The following NSMCE2 variants were observed in gnomAD, a reference collection of about 807,000 sequenced individuals.
NSMCE2 encodes the protein NSE2 SUMO ligase component of SMC5/6 complex.
In NSMCE2, 24 loss-of-function variants were observed where a neutral mutation model predicts 23.8. The ratio of observed to expected loss-of-function variants is 1.01; its 90% CI spans 0.73 to 1.42. The LOEUF (loss-of-function observed/expected upper bound fraction) is 1.42. NSMCE2 is among the 40% of genes most tolerant of loss of function. The pLI is 0.00. For synonymous variants in NSMCE2, 92 were observed against 94.1 expected (o/e 0.98, Z 0.13); for missense variants, 284 against 296.5 (o/e 0.96, Z 0.31).
intron 5 of NSMCE2, among the ~76,000 whole-genome samples, chr8:125,304,889 A>T (rs1167706625): frequency 6.6e-6 from 1 of 151,640 alleles, no homozygotes; most frequent in Non-Finnish European, 1.5e-5. Context: ...CTCTGAAAAA[A>T]AAAAAAGAGA....
At chr8:125,353,189 T>C (rs1813110592) in intron 5 of NSMCE2, among the ~76,000 whole-genome samples, 1 of 152,236 alleles carries the variant, frequency 6.6e-6, no homozygotes. Context: ...CCAGCAGATT[T>C]TCTGGTGAAT....
At chr8:125,278,648 A>T (rs1379010617) in intron 5 of NSMCE2, among the ~76,000 whole-genome samples, 1 of 152,178 alleles carries the variant, frequency 6.6e-6, no homozygotes, top group Admixed American at 6.5e-5. Context: ...AAAGTCAAGT[A>T]GATTTTTGGT....
At chr8:125,362,806 A>G (rs1399307868) in intron 7 of NSMCE2, among the ~76,000 whole-genome samples, 1 of 152,150 alleles carries the variant, frequency 6.6e-6, no homozygotes, top group East Asian at 1.9e-4. Context: ...CTTGTTTGAC[A>G]TGGCTCACTC....
intron 4 of NSMCE2, among the ~76,000 whole-genome samples, chr8:125,164,403 G>A (rs1431671179): frequency 6.6e-6 from 1 of 152,294 alleles, no homozygotes; most frequent in African/African-American, 2.4e-5. Flanking sequence ...ACTTTGAGTT[G>A]TAGTTTTCAG....
intron 5 of NSMCE2, among the ~76,000 whole-genome samples, chr8:125,313,808 A>G (rs1829068252): frequency 6.6e-6 from 1 of 152,212 alleles, no homozygotes; most frequent in African/African-American, 2.4e-5. Flanking sequence ...TCTTCTCTCA[A>G]CAGACTTTGC....
chr8:125,316,634 CTTT>C (rs2131252387), intron 5 of NSMCE2, among the ~76,000 whole-genome samples: 1 of 55,292 alleles, frequency 1.8e-5, no homozygotes, highest in African/African-American at 3.6e-5. Flanking sequence ...TCTTTCCTTT[CTTT>C]ATTTCCTTCT....
At chr8:125,260,877 G>A (rs1292671424) in intron 5 of NSMCE2, among the ~76,000 whole-genome samples, 1 of 152,002 alleles carries the variant, frequency 6.6e-6, no homozygotes, top group Middle Eastern at 3.4e-3. Context: ...ACCTGCCTTG[G>A]CCTCTCAAAG....
At chr8:125,140,759 C>T (rs559672364) in intron 3 of NSMCE2, among the ~76,000 whole-genome samples, 8 of 152,306 alleles carry the variant, frequency 5.3e-5, no homozygotes, top group Admixed American at 1.3e-4. Flanking sequence ...TCTTAAGCCT[C>T]TTGGGTTTCC....
intron 3 of NSMCE2, among the ~76,000 whole-genome samples, chr8:125,131,846 G>A (rs1018709546): frequency 8.5e-5 from 13 of 152,128 alleles, no homozygotes; most frequent in African/African-American, 2.2e-4. Flanking sequence ...GAATGGTGAG[G>A]TGCCTTGCAC....
At chr8:125,249,704 C>A in intron 5 of NSMCE2, among the ~76,000 whole-genome samples, 1 of 152,150 alleles carries the variant, frequency 6.6e-6, no homozygotes, top group South Asian at 2.1e-4. Flanking sequence ...ACACAAGATT[C>A]CTTCAAGCAA....
At chr8:125,197,499 G>A (rs1823675614) in intron 5 of NSMCE2, among the ~76,000 whole-genome samples, 1 of 152,178 alleles carries the variant, frequency 6.6e-6, no homozygotes, top group African/African-American at 2.4e-5. Flanking sequence ...TCAAAGATCG[G>A]ATGGTTGTAG....
intron 3 of NSMCE2, among the ~76,000 whole-genome samples, chr8:125,129,200 G>A (rs535406841): frequency 3.8e-4 from 58 of 152,214 alleles, no homozygotes; most frequent in African/African-American, 1.3e-3. Flanking sequence ...AAGAAGGCCC[G>A]GGCCAGTGTC....
chr8:125,145,455 G>T (rs1820625868), intron 3 of NSMCE2, among the ~76,000 whole-genome samples: 1 of 152,128 alleles, frequency 6.6e-6, no homozygotes, highest in Admixed American at 6.6e-5. Context: ...CGTATCAGGT[G>T]ACAGGTCTCA....
intron 5 of NSMCE2, among the ~76,000 whole-genome samples, chr8:125,306,639 C>T (rs1292814372): frequency 6.6e-6 from 1 of 152,190 alleles, no homozygotes; most frequent in Admixed American, 6.5e-5. Context: ...ACCATCAGAA[C>T]AGAGAATTCC....
At chr8:125,340,218 C>T (rs918244504) in intron 5 of NSMCE2, among the ~76,000 whole-genome samples, 3 of 151,822 alleles carry the variant, frequency 2.0e-5, no homozygotes, top group Admixed American at 1.3e-4. Context: ...CGGGGTTTCA[C>T]CGTGTTAGCC....
intron 5 of NSMCE2, among the ~76,000 whole-genome samples, chr8:125,203,972 C>T (rs1205603494): frequency 1.3e-5 from 2 of 152,106 alleles, no homozygotes; most frequent in Admixed American, 6.5e-5. Flanking sequence ...TAGTCCTTAT[C>T]GTGTAATTTA....
At chr8:125,277,500 T>C (rs1176531344) in intron 5 of NSMCE2, among the ~76,000 whole-genome samples, 2 of 151,774 alleles carry the variant, frequency 1.3e-5, no homozygotes, top group Non-Finnish European at 2.9e-5. Context: ...TTTGTCATCT[T>C]CTTCTTCTTC....
chr8:125,219,165 G>A (rs1044958180), intron 5 of NSMCE2, among the ~76,000 whole-genome samples: 1 of 152,108 alleles, frequency 6.6e-6, no homozygotes, highest in African/African-American at 2.4e-5. Context: ...TGCTATTTGG[G>A]GTCTGGGGAG....
chr8:125,361,708 G>A (rs540025641), intron 7 of NSMCE2, among the ~76,000 whole-genome samples: 3 of 152,278 alleles, frequency 2.0e-5, no homozygotes, highest in East Asian at 3.9e-4. Flanking sequence ...AGCGAAGAGC[G>A]CTAAACAAAT....
Sources: gnomAD v4.1 joint callset for allele counts (sites outside exome capture counted in the v4.1 genomes callset) on GRCh38, gnomAD v4.1.1 for gene constraint, MANE v1.5 for transcripts, NCBI Gene and HGNC (gene_info 2026-07-23, HGNC 2026-07-21) for gene names.